The following CEP43 variants were observed in gnomAD, a reference collection of about 807,000 sequenced individuals.
CEP43 encodes the protein FGFR1 oncogene partner.
CEP43 carries 36 observed loss-of-function variants against 52.6 expected under a neutral mutation model. The ratio of observed to expected loss-of-function variants is 0.68; its 90% CI spans 0.52 to 0.90. The LOEUF is 0.90. Ranked by LOEUF, CEP43 falls within the 40% of genes least tolerant of loss-of-function variation. The probability of loss-of-function intolerance (pLI) is 0.00; values close to 1 mark genes in which losing one functional copy is unlikely to be tolerated. For missense variants in CEP43, 506 were observed against 472.8 expected, an observed-to-expected ratio of 1.07 and a Z score of -0.65; for synonymous variants, 192 against 172.4, an observed-to-expected ratio of 1.11 and a Z score of -0.89.
chr6:167,022,981 G>T (rs1431456993), intron 8 of CEP43, among the ~76,000 whole-genome samples: 1 of 152,162 alleles, frequency 6.6e-6, no homozygotes, highest in Non-Finnish European at 1.5e-5. Context: ...AGTGTGTGGG[G>T]TGATGAGAGC....
chr6:167,041,409 C>G lies in CEP43; in HGVS notation c.*1431C>G. On this transcript the variant is annotated 3_prime_UTR_variant, in exon 13 of 13. Transcript: ENST00000366847. ...AGCCTGGGAGCCCTGTGTATTTCTG[C>G]CCTCCGTCTGTGAGCTGCTATCTCA... is the stretch of plus-strand genomic sequence containing the variant. 16 of 1,060,990 alleles carry G rather than the reference C, an allele frequency of 1.5e-5. No individual in the cohort carries two copies. The highest frequency in any genetic ancestry group is 4.2e-4 in the Middle Eastern group (1 of 2,380). The allele number at this position is 1,060,990 out of a possible 1,614,324, so 65.7% of individuals were successfully genotyped here. A position where few individuals can be genotyped will look rare whatever the true frequency, so the allele number is the denominator to read the frequency against.
chr6:167,022,670 G>A lies in CEP43; in HGVS notation c.806+35G>A, dbSNP rs562331353. The A allele has an allele frequency of 6.0e-6, 8 of 1,343,386 alleles. 1 individual carries two copies. In the African/African-American group the frequency reaches 1.0e-4, roughly 17 times the overall value. The allele number at this position is 1,343,386 out of a possible 1,614,324, so 83.2% of individuals were successfully genotyped here. A position where few individuals can be genotyped will look rare whatever the true frequency, so the allele number is the denominator to read the frequency against. ...TGGTTTTTGAGCTATGAGACTAGGG[G>A]TTTAAAAATAAGATAAATGTTTTCA... On this transcript the variant is annotated intron_variant, in intron 8 of 12. Coordinates refer to ENST00000366847, the MANE Select transcript of CEP43 (RefSeq NM_007045.4).
intron 7 of CEP43, among the ~76,000 whole-genome samples, chr6:167,014,939 A>G (rs1328900385): frequency 6.6e-6 from 1 of 152,222 alleles, no homozygotes; most frequent in African/African-American, 2.4e-5. Context: ...TTAAAAGCAT[A>G]TTTTATAGTA....
At position 167,049,905 on chromosome 6, in the gene CEP43, C is replaced by T. The variant is rs2114863816; in HGVS notation, c.*9927C>T. ...CTCTCTCTTTTTAGATATAGACATT[C>T]TGGCAGGTGTGACATTGTATCTCTT... On this transcript the variant is annotated 3_prime_UTR_variant, in exon 13 of 13. Transcript: ENST00000366847. 1 of 152,322 alleles carries T rather than the reference C, an allele frequency of 6.6e-6. No homozygotes were observed. The highest frequency in any genetic ancestry group is 2.4e-5 in the African/African-American group (1 of 41,562). 9.4% of individuals were successfully genotyped at this position (152,322 alleles called of 1,614,324 possible).
In CEP43 at chr6:167,022,537, T is replaced by C; in HGVS notation, c.708T>C (p.Asp236=). The part of the protein sequence containing the change: ...IGSFLSNRTL[D]GKDKAGLCPD... Reference sequence around the variant, plus strand: ...CTTTTCTAAGCAACAGAACTTTAGATGGCAAAGACAAAGCTGGCCTTTGTC... The same window carrying C: ...CTTTTCTAAGCAACAGAACTTTAGACGGCAAAGACAAAGCTGGCCTTTGTC... The change falls in exon 8 of 13, where the codon GAT becomes GAC. Residue 236 remains aspartate, a synonymous_variant. Transcript: ENST00000366847. The C allele has an allele frequency of 6.2e-7, 1 of 1,614,086 alleles. No homozygotes were observed.
chr6:167,001,327 C>G (rs1349282796), intron 2 of CEP43, among the ~76,000 whole-genome samples: 1 of 152,160 alleles, frequency 6.6e-6, no homozygotes, highest in Non-Finnish European at 1.5e-5. Context: ...TTTCTGATGG[C>G]TTTTCTTTTG....
In CEP43 at chr6:167,052,589, T is replaced by A. The variant is rs1033214236; in HGVS notation, c.*12611T>A. 1 of 152,258 alleles carries A rather than the reference T, an allele frequency of 6.6e-6. No individual in the cohort carries two copies. The highest frequency in any genetic ancestry group is 2.4e-5 in the African/African-American group (1 of 41,468). The allele number at this position is 152,258 out of a possible 1,614,324, so 9.4% of individuals were successfully genotyped here. Reference sequence around the variant, plus strand: ...CTTCTCGATTTTGCGGATTTCAAAATGGCTCCACGTACTCATAGTTTTCAT... The same window carrying A: ...CTTCTCGATTTTGCGGATTTCAAAAAGGCTCCACGTACTCATAGTTTTCAT... On this transcript the variant is annotated 3_prime_UTR_variant, in exon 13 of 13. Coordinates refer to ENST00000366847, the MANE Select transcript of CEP43 (RefSeq NM_007045.4).
At chr6:167,034,942 A>T (rs1780553040) in intron 12 of CEP43, among the ~76,000 whole-genome samples, 1 of 152,262 alleles carries the variant, frequency 6.6e-6, no homozygotes, top group Admixed American at 6.5e-5. Context: ...ATCATCCTAA[A>T]GAGGCCTGAA....
rs1241845142 is a variant in CEP43, at chr6:167,040,879, G to A, written c.*901G>A. On this transcript the variant is annotated 3_prime_UTR_variant, in exon 13 of 13. Transcript: ENST00000366847. ...TTCAGTTTGACAAGCTTTATATACT[G>A]TACATAATTTCATTGTAACCCTTAA... The A allele has an allele frequency of 3.9e-6, 4 of 1,023,964 alleles. No homozygotes were observed. Among genetic ancestry groups the A allele is most frequent in the Non-Finnish European group, 4.7e-6 (4 of 852,550 alleles). The allele number at this position is 1,023,964 out of a possible 1,614,324, so 63.4% of individuals were successfully genotyped here.
In CEP43 at chr6:167,040,248, A is replaced by T; in HGVS notation, c.*270A>T. On this transcript the variant is annotated 3_prime_UTR_variant, in exon 13 of 13. Transcript: ENST00000366847. ...ATCTACACTCAGTTTCATTACAGGG[A>T]AGGAACCCATGAAAACATCAGTGTT... The T allele has an allele frequency of 2.1e-5, 31 of 1,508,948 alleles. No individual in the cohort carries two copies. Among genetic ancestry groups the T allele is most frequent in the Non-Finnish European group, 2.5e-5 (29 of 1,137,462 alleles). 93.5% of individuals were successfully genotyped at this position (1,508,948 alleles called of 1,614,324 possible).
chr6:167,012,871 C>T (rs955673777), intron 6 of CEP43, among the ~76,000 whole-genome samples: 4 of 152,174 alleles, frequency 2.6e-5, no homozygotes, highest in Non-Finnish European at 4.4e-5. Flanking sequence ...GTTTAGTCTC[C>T]GTTTCTCAGT....
chr6:167,030,478 G>A (rs577590540), intron 10 of CEP43, among the ~76,000 whole-genome samples: 1 of 152,304 alleles, frequency 6.6e-6, no homozygotes, highest in African/African-American at 2.4e-5. Flanking sequence ...GGCTACAGTG[G>A]AGACGAGCTC....
At chr6:167,028,396 G>A in intron 10 of CEP43, 1 of 985,386 alleles carries the variant, frequency 1.0e-6, no homozygotes, top group Non-Finnish European at 1.2e-6. Flanking sequence ...TCTCGGGTTG[G>A]AATTGGGGTA....
rs565100389 is a variant in CEP43 at position 167,007,981 on chromosome 6, T to G, written c.439-2832T>G. ...TCTGTCATTCACTGTTGCAGAATTA[T>G]TTTTAAACTTCAGCCCTTCCTCTGT... On this transcript the variant is annotated intron_variant, in intron 5 of 12. Coordinates refer to ENST00000366847, the MANE Select transcript of CEP43 (RefSeq NM_007045.4). Among the ~76,000 whole-genome samples the G allele has an allele frequency of 2.0e-5, 3 of 152,366 alleles. No individual in the cohort carries two copies. In the South Asian group the frequency reaches 6.2e-4, roughly 32 times the overall value.
chr6:167,042,960 T>G lies in CEP43; in HGVS notation c.*2982T>G, dbSNP rs1489103838. 6.6e-6 allele frequency: 1 copy of G among 152,286 alleles called. No individual in the cohort carries two copies. The highest frequency in any genetic ancestry group is 1.5e-5 in the Non-Finnish European group (1 of 68,216). 9.4% of individuals were successfully genotyped at this position (152,286 alleles called of 1,614,324 possible). ...CTGTAAACAGGCTTGAGCACTGACA[T>G]GGGGCCTGGAGAATGTGGTTTCTGG... On this transcript the variant is annotated 3_prime_UTR_variant, in exon 13 of 13. Coordinates refer to ENST00000366847, the MANE Select transcript of CEP43 (RefSeq NM_007045.4).
At chr6:167,004,826 G>A (rs1779816165) in intron 5 of CEP43, among the ~76,000 whole-genome samples, 1 of 152,120 alleles carries the variant, frequency 6.6e-6, no homozygotes, top group Admixed American at 6.5e-5. Context: ...AATATAAAAG[G>A]GCTGATTTAT....
chr6:167,037,133 T>A (rs1327477251), intron 12 of CEP43, among the ~76,000 whole-genome samples: 1 of 152,230 alleles, frequency 6.6e-6, no homozygotes, highest in African/African-American at 2.4e-5. Context: ...AGCCATTTAT[T>A]TCTAGTTAGC....
chr6:167,004,082 C>T, intron 4 of CEP43, 182 bp from the exon 5 acceptor site: 3 of 639,510 alleles, frequency 4.7e-6, no homozygotes, highest in Non-Finnish European at 5.1e-6. Flanking sequence ...TTAATGGAAA[C>T]GTTGAAGGTA....
At chr6:167,017,514 T>G (rs1780130201) in intron 7 of CEP43, among the ~76,000 whole-genome samples, 1 of 152,168 alleles carries the variant, frequency 6.6e-6, no homozygotes, top group Non-Finnish European at 1.5e-5. Flanking sequence ...TTGCATGAAT[T>G]TTTTGAATAC....
Sources: gnomAD v4.1 joint callset for allele counts (sites outside exome capture counted in the v4.1 genomes callset) on GRCh38, gnomAD v4.1.1 for gene constraint, MANE v1.5 for transcripts, NCBI Gene and HGNC (gene_info 2026-07-23, HGNC 2026-07-21) for gene names.